SPATA17: variants seen among roughly 807,000 people sequenced by gnomAD.
SPATA17 encodes the protein spermatogenesis associated 17.
A neutral mutation model predicts 62.2 loss-of-function variants in SPATA17; 53 were observed. The ratio of observed to expected loss-of-function variants is 0.85; its 90% CI spans 0.68 to 1.07. The LOEUF (loss-of-function observed/expected upper bound fraction) is 1.07, where lower values mean the gene tolerates loss of function less well. Ranked by LOEUF, SPATA17 falls within the 50% of genes least tolerant of loss-of-function variation. The pLI is 0.00. For synonymous variants in SPATA17, 146 were observed against 146.8 expected (o/e 0.99, Z 0.04); for missense variants, 466 against 425.5 (o/e 1.10, Z -0.84).
At chr1:217,835,527 G>T (rs765462389) in intron 9 of SPATA17, among the ~76,000 whole-genome samples, 1 of 152,124 alleles carries the variant, frequency 6.6e-6, no homozygotes, top group African/African-American at 2.4e-5. Context: ...AAGGCATAAC[G>T]TGACCCTAGT....
chr1:217,802,149 G>A (rs1045562880), intron 9 of SPATA17, among the ~76,000 whole-genome samples: 9 of 151,980 alleles, frequency 5.9e-5, no homozygotes, highest in Non-Finnish European at 8.8e-5. Flanking sequence ...ACAGAATGGA[G>A]TTAAGCTAAC....
intron 8 of SPATA17, among the ~76,000 whole-genome samples, chr1:217,799,647 A>AAAT (rs1674255512): frequency 6.6e-6 from 1 of 151,996 alleles, no homozygotes; most frequent in African/African-American, 2.4e-5. Context: ...AAATATTAAG[A>AAAT]ATTAATTTAT....
At chr1:217,714,125 C>T (rs1222131871) in intron 5 of SPATA17, among the ~76,000 whole-genome samples, 1 of 152,096 alleles carries the variant, frequency 6.6e-6, no homozygotes, top group Non-Finnish European at 1.5e-5. Context: ...CGGTGGCTCA[C>T]GCCTATAATC....
At chr1:217,755,942 A>G (rs1309784527) in intron 6 of SPATA17, among the ~76,000 whole-genome samples, 1 of 151,964 alleles carries the variant, frequency 6.6e-6, no homozygotes, top group Non-Finnish European at 1.5e-5. Context: ...TTGCTTTTTC[A>G]AGGCAGAATT....
At chr1:217,804,646 A>G (rs1396821225) in intron 9 of SPATA17, among the ~76,000 whole-genome samples, 1 of 152,236 alleles carries the variant, frequency 6.6e-6, no homozygotes, top group Non-Finnish European at 1.5e-5. Context: ...TACATTTGAT[A>G]GAGTTAATAT....
At chr1:217,726,486 G>A (rs1672259497) in intron 5 of SPATA17, among the ~76,000 whole-genome samples, 1 of 152,124 alleles carries the variant, frequency 6.6e-6, no homozygotes, top group Non-Finnish European at 1.5e-5. Flanking sequence ...AAACCCTCTT[G>A]GCTGGGGTTC....
At chr1:217,814,961 A>G (rs1259865928) in intron 9 of SPATA17, among the ~76,000 whole-genome samples, 1 of 152,188 alleles carries the variant, frequency 6.6e-6, no homozygotes, top group African/African-American at 2.4e-5. Context: ...GACAAAGATC[A>G]TGGAATATGT....
chr1:217,808,858 A>C (rs1222292145), intron 9 of SPATA17, among the ~76,000 whole-genome samples: 3 of 151,982 alleles, frequency 2.0e-5, no homozygotes, highest in Non-Finnish European at 2.9e-5. Flanking sequence ...TGTCTCAAAA[A>C]AAAAAAAAAA....
chr1:217,719,675 AC>A (rs1368259961), intron 5 of SPATA17, among the ~76,000 whole-genome samples: 11 of 152,370 alleles, frequency 7.2e-5, no homozygotes, highest in Admixed American at 6.5e-4. Flanking sequence ...AAGATGAATA[AC>A]TTTTAAAATG....
chr1:217,657,497 G>A (rs912067229), intron 3 of SPATA17, among the ~76,000 whole-genome samples: 2 of 152,126 alleles, frequency 1.3e-5, no homozygotes, highest in Non-Finnish European at 2.9e-5. Flanking sequence ...TTCCTGGGTT[G>A]GGCAGTGGGA....
rs1205431521 is a variant in SPATA17, at chr1:217,683,266, A to G, written c.300A>G (p.Arg100=). 5.0e-6 allele frequency: 8 copies of G among 1,600,664 alleles called. No individual in the cohort carries two copies. The highest frequency in any genetic ancestry group is 6.8e-6 in the Non-Finnish European group (8 of 1,172,834). Residue 100 remains arginine (R), a synonymous_variant, in exon 5 of 11, where the codon AGA becomes AGG. Coordinates refer to ENST00000366933, the MANE Select transcript of SPATA17 (RefSeq NM_138796.4). ...TTTATTTACTTTAATAGATTCAGAGACGATGGCGAGGCTATAGGGTTCGGA... is the reference window on the plus strand; with the variant it reads ...TTTATTTACTTTAATAGATTCAGAGGCGATGGCGAGGCTATAGGGTTCGGA... ...LYNAMAVRIQ[R]RWRGYRVRKY...
intron 5 of SPATA17, among the ~76,000 whole-genome samples, chr1:217,727,649 AT>A (rs1260796524): frequency 6.6e-6 from 1 of 152,128 alleles, no homozygotes; most frequent in African/African-American, 2.4e-5. Flanking sequence ...TCTTTTACAT[AT>A]TTTTCCTCTC....
intron 9 of SPATA17, among the ~76,000 whole-genome samples, chr1:217,802,944 G>T (rs373570453): frequency 1.4e-4 from 21 of 152,012 alleles, no homozygotes; most frequent in African/African-American, 4.6e-4. Context: ...ATGAAGTCTC[G>T]CTCTGTCGCT....
chr1:217,795,831 G>T (rs562265113), intron 8 of SPATA17, among the ~76,000 whole-genome samples: 68 of 150,846 alleles, frequency 4.5e-4, no homozygotes, highest in African/African-American at 1.5e-3. Flanking sequence ...CAGGGTCTCA[G>T]TCTGTCACCC....
rs531709700 is a variant in SPATA17, at chr1:217,828,023, T to C, written c.1005+26173T>C. Among the ~76,000 whole-genome samples the C allele has an allele frequency of 3.9e-5, 6 of 152,240 alleles. No homozygotes were observed. The South Asian group carries it at 1.2e-3, about 32-fold the overall frequency. ...AACAAATGTGCACATTTGGCACACGTACCTGGGAACTTAAAAAAATTATAA... is the reference window on the plus strand; with the variant it reads ...AACAAATGTGCACATTTGGCACACGCACCTGGGAACTTAAAAAAATTATAA... On this transcript the variant is annotated intron_variant, in intron 9 of 10. Transcript: ENST00000366933.
intron 8 of SPATA17, among the ~76,000 whole-genome samples, chr1:217,793,365 C>A (rs1030709324): frequency 2.0e-5 from 3 of 151,892 alleles, no homozygotes; most frequent in Admixed American, 6.6e-5. Context: ...GGACTAAAGG[C>A]ACCCACCACC....
At chr1:217,861,818 T>C (rs1675902932) in intron 9 of SPATA17, among the ~76,000 whole-genome samples, 1 of 152,164 alleles carries the variant, frequency 6.6e-6, no homozygotes, top group African/African-American at 2.4e-5. Context: ...TCATGTCACT[T>C]GGCCATGACA....
Position 217,786,288 on chromosome 1 carries a change from T to C in SPATA17, c.872+3966T>C, listed in dbSNP as rs1379007397. 3.4e-4 allele frequency among the ~76,000 whole-genome samples: 51 copies of C among 152,182 alleles called. 1 individual carries two copies. The highest frequency in any genetic ancestry group is 3.3e-3 in the Admixed American group (51 of 15,268). On this transcript the variant is annotated intron_variant, in intron 8 of 10. Coordinates refer to ENST00000366933, the MANE Select transcript of SPATA17 (RefSeq NM_138796.4). ...GTGTAAGAGACAATGTATATATTTT[T>C]AAATGTCGAGTTTTCTCTGGTCTCT...
At chr1:217,691,117 G>C (rs1378925460) in intron 5 of SPATA17, among the ~76,000 whole-genome samples, 8 of 145,992 alleles carry the variant, frequency 5.5e-5, no homozygotes, top group Admixed American at 2.1e-4. Flanking sequence ...CAGTGTAAAA[G>C]TGTTCCTATT....
Sources: gnomAD v4.1 joint callset for allele counts (sites outside exome capture counted in the v4.1 genomes callset) on GRCh38, gnomAD v4.1.1 for gene constraint, MANE v1.5 for transcripts, NCBI Gene and HGNC (gene_info 2026-07-23, HGNC 2026-07-21) for gene names.